HADH: variants seen among roughly 807,000 people sequenced by gnomAD.
The protein encoded by HADH is hydroxyacyl-coenzyme A dehydrogenase, mitochondrial.
In HADH, 24 loss-of-function variants were observed where a neutral mutation model predicts 32.2. That is an observed-to-expected ratio of 0.75 (90% CI 0.54 to 1.05). The LOEUF is 1.05. Ranked by LOEUF, HADH falls within the 50% of genes least tolerant of loss-of-function variation. The pLI, the probability that HADH is intolerant of heterozygous loss-of-function variation, is 0.00. For synonymous variants in HADH, 139 were observed against 152.5 expected, an observed-to-expected ratio of 0.91 and a Z score of 0.65; for missense variants, 350 against 397.1, an observed-to-expected ratio of 0.88 and a Z score of 1.01.
chr4:108,027,914 G>A, intron 6 of HADH, 154 bp downstream of exon 6: 1 of 677,374 alleles, frequency 1.5e-6, no homozygotes, highest in Non-Finnish European at 2.7e-6. Context: ...CCTGAGCCCT[G>A]GTACCTTTTT....
rs1736382024 is a variant in HADH at position 108,034,299 on chromosome 4, T to A, written c.887T>A (p.Leu296Gln). The change falls in exon 8 of 8, where the codon CTG (leucine) becomes CAG (glutamine). Residue 296 changes from leucine (L) to glutamine (Q), a missense_variant. Transcript: ENST00000309522. ...LHQPSPSLNKLVAENKFGKKT... is the reference protein window; with the variant it reads ...LHQPSPSLNKQVAENKFGKKT... ...CAGCCCAGCCCATCCTTAAATAAGC[T>A]GGTAGCAGAGAACAAGTTCGGCAAG... 6.2e-7 allele frequency: 1 copy of A among 1,613,870 alleles called. No homozygotes were observed. The highest frequency in any genetic ancestry group is 8.5e-7 in the Non-Finnish European group (1 of 1,179,722).
chr4:108,002,773 T>G (rs1735161425), intron 1 of HADH, among the ~76,000 whole-genome samples: 1 of 152,210 alleles, frequency 6.6e-6, no homozygotes, highest in Non-Finnish European at 1.5e-5. Context: ...CTGTTGTTTA[T>G]ACATTACCCA....
In HADH at chr4:108,009,774, G is replaced by T; in HGVS notation, c.148G>T (p.Gly50Cys). The T allele has an allele frequency of 6.2e-7, 1 of 1,613,448 alleles. No homozygotes were observed. The highest frequency in any genetic ancestry group is 8.5e-7 in the Non-Finnish European group (1 of 1,179,432). ...AGIAQVAAATGHTVVLVDQTE... is the reference protein window; with the variant it reads ...AGIAQVAAATCHTVVLVDQTE... ...GTTGCTCTAGGTTGCTGCAGCAACT[G>T]GTCACACAGTAGTGTTGGTAGACCA... Residue 50 changes from glycine to cysteine, a missense_variant, in exon 2 of 8, where the codon GGT becomes TGT. Physicochemically the swap from Gly to Cys is radical, Grantham distance 159 (BLOSUM62 -3). Transcript: ENST00000309522.
chr4:108,020,725 T>G (rs1735858694), intron 4 of HADH, among the ~76,000 whole-genome samples: 1 of 152,184 alleles, frequency 6.6e-6, no homozygotes. Context: ...GCATTTGTTC[T>G]GAGGTTGAGG....
chr4:108,013,500 C>G (rs184379370), intron 2 of HADH, among the ~76,000 whole-genome samples: 81 of 152,276 alleles, frequency 5.3e-4, no homozygotes, highest in Middle Eastern at 6.8e-3. Flanking sequence ...CCTCAGAAGT[C>G]TATACTCCTG....
chr4:108,012,247 A>G (rs1735522972), intron 2 of HADH, among the ~76,000 whole-genome samples: 1 of 147,808 alleles, frequency 6.8e-6, no homozygotes, highest in Non-Finnish European at 1.5e-5. Flanking sequence ...GGTGGCCTTT[A>G]GATGATGGTG....
chr4:108,026,268 T>G (rs969301392), intron 5 of HADH: 2 of 152,210 alleles, frequency 1.3e-5, no homozygotes, highest in Non-Finnish European at 2.9e-5. Flanking sequence ...CTTGAACTCC[T>G]GACCTCATGA....
intron 5 of HADH, chr4:108,026,047 T>G (rs956758567): frequency 1.3e-5 from 2 of 152,208 alleles, no homozygotes; most frequent in African/African-American, 2.4e-5. Context: ...ATTTATTTAT[T>G]TTTTTATTTT....
intron 7 of HADH, among the ~76,000 whole-genome samples, chr4:108,033,830 G>A (rs1198205866): frequency 1.3e-5 from 2 of 152,216 alleles, no homozygotes; most frequent in African/African-American, 2.4e-5. Context: ...ATTAAATTTT[G>A]AATCTTATGT....
At chr4:107,996,397 A>G (rs958968413) in intron 1 of HADH, among the ~76,000 whole-genome samples, 1 of 152,210 alleles carries the variant, frequency 6.6e-6, no homozygotes, top group Non-Finnish European at 1.5e-5. Context: ...TTACCTTTTC[A>G]GAATTTGTGG....
At chr4:108,021,311 G>A (rs944550212) in intron 4 of HADH, among the ~76,000 whole-genome samples, 1 of 152,200 alleles carries the variant, frequency 6.6e-6, no homozygotes, top group African/African-American at 2.4e-5. Flanking sequence ...GGTAATGTAT[G>A]CTTTTGTCTT....
intron 1 of HADH, among the ~76,000 whole-genome samples, chr4:107,990,564 C>G (rs1159514675): frequency 6.6e-6 from 1 of 152,064 alleles, no homozygotes; most frequent in Non-Finnish European, 1.5e-5. Context: ...CCCGGCTCTC[C>G]CCGGTCTTTC....
chr4:107,991,321 A>C (rs1223243097), intron 1 of HADH, among the ~76,000 whole-genome samples: 2 of 152,300 alleles, frequency 1.3e-5, no homozygotes, highest in East Asian at 3.9e-4. Flanking sequence ...CTGTGGCTAC[A>C]GTCATGAGAG....
intron 1 of HADH, among the ~76,000 whole-genome samples, chr4:107,991,054 T>C (rs904846230): frequency 2.6e-5 from 4 of 152,236 alleles, no homozygotes; most frequent in African/African-American, 9.6e-5. Context: ...ACAAGTCTTT[T>C]ATCCATTGTA....
chr4:107,990,117 T>C, intron 1 of HADH, 53 bp downstream of exon 1: 3 of 1,557,042 alleles, frequency 1.9e-6, no homozygotes, highest in Non-Finnish European at 8.7e-7. Context: ...CACCCTGAGG[T>C]GGAAGCTCTG....
rs751073826 is a variant in HADH, at chr4:108,014,481, G to A, written c.312G>A (p.Thr104=). Residue 104 remains threonine (T), a synonymous_variant, in exon 3 of 8, where the codon ACG becomes ACA. Coordinates refer to ENST00000309522, the MANE Select transcript of HADH (RefSeq NM_005327.7). ...CCCTGAGCACCATAGCGACCAGCACGGATGCAGCCTCCGTTGTCCACAGCA... is the reference window on the plus strand; with the variant it reads ...CCCTGAGCACCATAGCGACCAGCACAGATGCAGCCTCCGTTGTCCACAGCA... The part of the protein sequence containing the change: ...EKTLSTIATS[T]DAASVVHSTD... The A allele has an allele frequency of 1.3e-5, 21 of 1,614,036 alleles. 1 individual carries two copies. The South Asian group carries it at 1.5e-4, about 12-fold the overall frequency.
chr4:107,991,948 G>T (rs934245387), intron 1 of HADH, among the ~76,000 whole-genome samples: 2 of 152,158 alleles, frequency 1.3e-5, no homozygotes, highest in East Asian at 3.8e-4. Flanking sequence ...AGTAGAAAGC[G>T]TCACTTCAAC....
chr4:108,020,428 C>A (rs1425549172), intron 4 of HADH, among the ~76,000 whole-genome samples: 1 of 152,138 alleles, frequency 6.6e-6, no homozygotes, highest in South Asian at 2.1e-4. Flanking sequence ...TGTGATTGCA[C>A]CACTGCACTC....
At chr4:108,016,145 G>T (rs1367625628) in intron 3 of HADH, among the ~76,000 whole-genome samples, 1 of 152,150 alleles carries the variant, frequency 6.6e-6, no homozygotes, top group East Asian at 1.9e-4. Flanking sequence ...TTGGGATCCA[G>T]AGCCTTCGAG....
Sources: gnomAD v4.1 joint callset for allele counts (sites outside exome capture counted in the v4.1 genomes callset) on GRCh38, gnomAD v4.1.1 for gene constraint, MANE v1.5 for transcripts, NCBI Gene and HGNC (gene_info 2026-07-23, HGNC 2026-07-21) for gene names.